TRIO: variants seen among roughly 807,000 people sequenced by gnomAD.
TRIO encodes the protein trio Rho guanine nucleotide exchange factor.
TRIO carries 58 observed loss-of-function variants against 351.9 expected under a neutral mutation model. That is an observed-to-expected ratio of 0.16 (90% confidence interval 0.13 to 0.21). TRIO has a LOEUF of 0.21. Among genes scored for constraint, TRIO ranks in the 10% least tolerant of loss-of-function variants. The probability of loss-of-function intolerance (pLI) is 1.00; values close to 1 mark genes in which losing one functional copy is unlikely to be tolerated. For missense variants in TRIO, 3,201 were observed against 4,027.8 expected (o/e 0.79, Z 5.56); for synonymous variants, 1,758 against 1,595.7 (o/e 1.10, Z -2.42).
At position 14,472,793 on chromosome 5, in the gene TRIO, G is replaced by A. The variant is rs928319559; in HGVS notation, c.5979+135G>A. ...CCCAAAATAAAAAGTGACCAACGAT[G>A]TATTTCCGAAAAATTAAGTTTAGCC... On this transcript the variant is annotated intron_variant, in intron 39 of 56. Coordinates refer to ENST00000344204, the MANE Select transcript of TRIO (RefSeq NM_007118.4). 7 of 922,166 alleles carry A rather than the reference G, an allele frequency of 7.6e-6. No homozygotes were observed. In the African/African-American group the frequency reaches 1.2e-4, roughly 16 times the overall value. 57.1% of individuals were successfully genotyped at this position (922,166 alleles called of 1,614,324 possible).
chr5:14,438,659 A>G (rs559528575), intron 34 of TRIO, among the ~76,000 whole-genome samples: 15 of 152,314 alleles, frequency 9.8e-5, no homozygotes, highest in African/African-American at 3.6e-4. Flanking sequence ...CCATGCCACC[A>G]TGGTAGAAAT....
intron 1 of TRIO, among the ~76,000 whole-genome samples, chr5:14,247,111 G>A (rs1581438964): frequency 6.6e-6 from 1 of 152,250 alleles, no homozygotes; most frequent in East Asian, 1.9e-4. Flanking sequence ...GCAAGGGCTG[G>A]CACCTGCATT....
chr5:14,197,254 T>G (rs1790835611), intron 1 of TRIO, among the ~76,000 whole-genome samples: 1 of 152,052 alleles, frequency 6.6e-6, no homozygotes, highest in African/African-American at 2.4e-5. Flanking sequence ...CAGATACTGA[T>G]TTGTTGTGCC....
chr5:14,423,115 A>G (rs184001361), intron 34 of TRIO, among the ~76,000 whole-genome samples: 1 of 152,352 alleles, frequency 6.6e-6, no homozygotes, highest in African/African-American at 2.4e-5. Flanking sequence ...TGAATTAAAC[A>G]GACGCCGGGC....
intron 48 of TRIO, among the ~76,000 whole-genome samples, chr5:14,490,004 C>T (rs1756363247): frequency 6.6e-6 from 1 of 152,206 alleles, no homozygotes; most frequent in Non-Finnish European, 1.5e-5. Flanking sequence ...CTAGGCTGGG[C>T]ATGATGTCTC....
intron 1 of TRIO, among the ~76,000 whole-genome samples, chr5:14,212,778 T>G (rs1791986573): frequency 6.6e-6 from 1 of 152,224 alleles, no homozygotes; most frequent in South Asian, 2.1e-4. Flanking sequence ...ATTGCTTAAT[T>G]TTTTAATTTA....
At chr5:14,403,235 G>C (rs1288239887) in intron 31 of TRIO, among the ~76,000 whole-genome samples, 10 of 137,578 alleles carry the variant, frequency 7.3e-5, no homozygotes, top group African/African-American at 2.8e-4. Context: ...GAGGGTGTAG[G>C]TTGTGGTGAG....
At chr5:14,316,051 TA>T (rs1409187540) in intron 8 of TRIO, among the ~76,000 whole-genome samples, 11 of 152,228 alleles carry the variant, frequency 7.2e-5, no homozygotes, top group African/African-American at 2.7e-4. Flanking sequence ...ACTGAGGCTT[TA>T]AGGAACAATT....
At chr5:14,182,382 A>G (rs186396860) in intron 1 of TRIO, among the ~76,000 whole-genome samples, 86 of 152,362 alleles carry the variant, frequency 5.6e-4, no homozygotes, top group African/African-American at 2.0e-3. Context: ...AGATGCTTCT[A>G]CCTTGGGACA....
chr5:14,465,811 A>G, intron 37 of TRIO, 171 bp downstream of exon 37: 1 of 659,328 alleles, frequency 1.5e-6, no homozygotes. Context: ...TGAAGGACTC[A>G]GAGAACTCAG....
At chr5:14,173,366 A>G (rs1270573113) in intron 1 of TRIO, among the ~76,000 whole-genome samples, 1 of 151,690 alleles carries the variant, frequency 6.6e-6, no homozygotes, top group African/African-American at 2.4e-5. Context: ...ATGCACCACC[A>G]TGTCCGGCTA....
At chr5:14,189,331 G>T (rs1790321889) in intron 1 of TRIO, among the ~76,000 whole-genome samples, 1 of 152,146 alleles carries the variant, frequency 6.6e-6, no homozygotes, top group African/African-American at 2.4e-5. Flanking sequence ...TACCTTGAAT[G>T]CTATATTTAT....
intron 5 of TRIO, among the ~76,000 whole-genome samples, chr5:14,292,770 TA>T (rs975953096): frequency 6.6e-6 from 1 of 152,260 alleles, no homozygotes; most frequent in African/African-American, 2.4e-5. Flanking sequence ...TCTCTTTACT[TA>T]TCTGCTTCTT....
chr5:14,462,202 G>C (rs935730905), intron 35 of TRIO, among the ~76,000 whole-genome samples: 13 of 152,164 alleles, frequency 8.5e-5, no homozygotes, highest in Non-Finnish European at 1.6e-4. Context: ...AGATTTTGTT[G>C]CAGTGTGGGG....
At chr5:14,279,590 T>C (rs935908846) in intron 2 of TRIO, among the ~76,000 whole-genome samples, 2 of 152,142 alleles carry the variant, frequency 1.3e-5, no homozygotes, top group Non-Finnish European at 2.9e-5. Context: ...ACCATAAGCG[T>C]TTAGTGATAC....
intron 1 of TRIO, among the ~76,000 whole-genome samples, chr5:14,248,507 C>T (rs1480812098): frequency 6.6e-6 from 1 of 152,158 alleles, no homozygotes; most frequent in Non-Finnish European, 1.5e-5. Flanking sequence ...CACCCGGGGC[C>T]CCAGGCAGTG....
At chr5:14,329,987 T>C (rs1740759671) in intron 9 of TRIO, among the ~76,000 whole-genome samples, 1 of 152,234 alleles carries the variant, frequency 6.6e-6, no homozygotes, top group African/African-American at 2.4e-5. Context: ...ACTGTACTTA[T>C]TTTTTAAAAC....
At position 14,187,761 on chromosome 5, in the gene TRIO, T is replaced by TTGCG. The variant is rs201116281; in HGVS notation, c.157+43881_157+43884dup. Among the ~76,000 whole-genome samples, 812 of 152,234 alleles carry TTGCG rather than the reference T, an allele frequency of 5.3e-3. 5 individuals carry two copies. Among genetic ancestry groups the TTGCG allele is most frequent in the African/African-American group, 0.018 (764 of 41,464 alleles). ...TTAAGTGATTATTGTTATTTAGGTG[T>TTGCG]TGCGTTCTGTGGAGTTTCCTCATTA... is the stretch of plus-strand genomic sequence containing the variant. On this transcript the variant is annotated intron_variant, in intron 1 of 56. Coordinates refer to ENST00000344204, the MANE Select transcript of TRIO (RefSeq NM_007118.4).
At chr5:14,470,500 A>C (rs1377150529) in intron 37 of TRIO, among the ~76,000 whole-genome samples, 1 of 152,246 alleles carries the variant, frequency 6.6e-6, no homozygotes, top group African/African-American at 2.4e-5. Context: ...TAAAACAACG[A>C]GATTAATATT....
Sources: gnomAD v4.1 joint callset for allele counts (sites outside exome capture counted in the v4.1 genomes callset) on GRCh38, gnomAD v4.1.1 for gene constraint, MANE v1.5 for transcripts, NCBI Gene and HGNC (gene_info 2026-07-23, HGNC 2026-07-21) for gene names.